The following LACTB variants were observed in gnomAD, a reference collection of about 807,000 sequenced individuals.
LACTB encodes lactamase beta, also known as serine beta-lactamase-like protein LACTB, mitochondrial.
In LACTB, 35 loss-of-function variants were observed where a neutral mutation model predicts 50.2. That is an observed-to-expected ratio of 0.70 (90% CI 0.53 to 0.92). LACTB has a LOEUF of 0.92. LACTB is among the 40% of genes least tolerant of loss of function. The probability of loss-of-function intolerance (pLI) is 0.00; values close to 1 mark genes in which losing one functional copy is unlikely to be tolerated. For synonymous variants in LACTB, 252 were observed against 268.2 expected, an observed-to-expected ratio of 0.94 and a Z score of 0.59; for missense variants, 664 against 691.8, an observed-to-expected ratio of 0.96 and a Z score of 0.45.
chr15:63,134,747 C>G (rs1040674327), intron 5 of LACTB, among the ~76,000 whole-genome samples: 3 of 152,144 alleles, frequency 2.0e-5, no homozygotes, highest in Admixed American at 2.0e-4. Flanking sequence ...AACCAGCCAT[C>G]TATGCCACTG....
intron 5 of LACTB, among the ~76,000 whole-genome samples, chr15:63,136,942 G>A (rs1269334629): frequency 6.6e-6 from 1 of 152,072 alleles, no homozygotes; most frequent in Non-Finnish European, 1.5e-5. Context: ...TTCTCTGTGT[G>A]TTTATGCATG....
Position 63,121,885 on chromosome 15 carries a change from T to G in LACTB, c.14T>G (p.Met5Arg), listed in dbSNP as rs1453922185. 4 of 1,411,610 alleles carry G rather than the reference T, an allele frequency of 2.8e-6. No individual in the cohort carries two copies. The highest frequency in any genetic ancestry group is 9.2e-7 in the Non-Finnish European group (1 of 1,088,380). The allele number at this position is 1,411,610 out of a possible 1,614,324, so 87.4% of individuals were successfully genotyped here. A position where few individuals can be genotyped will look rare whatever the true frequency, so the allele number is the denominator to read the frequency against. MYRL[M>R]SAVTARAAAP... ...TGCAGAGACGCCATGTACCGGCTCA[T>G]GTCAGCAGTGACTGCCCGGGCTGCC... is the stretch of plus-strand genomic sequence containing the variant. The change falls in exon 1 of 6, where the codon ATG (methionine) becomes AGG (arginine). Residue 5 changes from methionine (M) to arginine (R), a missense_variant. Transcript: ENST00000261893.
chr15:63,125,760 A>G (rs1437816131), intron 2 of LACTB: 1 of 151,622 alleles, frequency 6.6e-6, no homozygotes, highest in Non-Finnish European at 1.5e-5. Context: ...GCTCACTGCA[A>G]TCTCAAACTC....
intron 5 of LACTB, among the ~76,000 whole-genome samples, chr15:63,139,552 C>T (rs1205777672): frequency 1.3e-5 from 2 of 152,156 alleles, no homozygotes; most frequent in Admixed American, 1.3e-4. Flanking sequence ...ACTCGGGAGG[C>T]TGAGGCAGGA....
chr15:63,141,190 A>G lies in LACTB; in HGVS notation c.1119-90A>G, dbSNP rs2037224876. 2.1e-6 allele frequency: 3 copies of G among 1,462,938 alleles called. No individual in the cohort carries two copies. The African/African-American group carries it at 4.3e-5, about 21-fold the overall frequency. 90.6% of individuals were successfully genotyped at this position (1,462,938 alleles called of 1,614,324 possible). ...GAATGTATGATCATTACATTGAAAT[A>G]CAATCTCTCTCATGTATACATTTTT... is the stretch of plus-strand genomic sequence containing the variant. On this transcript the variant is annotated intron_variant, in intron 5 of 5. Coordinates refer to ENST00000261893, the MANE Select transcript of LACTB (RefSeq NM_032857.5).
In LACTB at chr15:63,126,963, T is replaced by G. The variant is rs778720573; in HGVS notation, c.529T>G (p.Leu177Val). ...KSLTMVALAK[L>V]WEAGKLDLDI... ...TCTCACCATGGTTGCTCTTGCCAAA[T>G]TGTGGGAAGCAGGGAAACTGGATCT... The change falls in exon 3 of 6, where the codon TTG (leucine) becomes GTG (valine). Residue 177 changes from leucine (L) to valine (V), a missense_variant. Leu to Val is a conservative substitution (Grantham distance 32). Transcript: ENST00000261893. 3 of 1,613,758 alleles carry G rather than the reference T, an allele frequency of 1.9e-6. No homozygotes were observed. The highest frequency in any genetic ancestry group is 2.5e-6 in the Non-Finnish European group (3 of 1,179,788).
chr15:63,141,261 A>G lies in LACTB; in HGVS notation c.1119-19A>G, dbSNP rs2037225377. Reference sequence around the variant, plus strand: ...AGTGACTATGAAATTTTTCATGATCATTTCTTATTTCCTTTTAGATTTTAT... The same window carrying G: ...AGTGACTATGAAATTTTTCATGATCGTTTCTTATTTCCTTTTAGATTTTAT... On this transcript the variant is annotated intron_variant, in intron 5 of 5. Coordinates refer to ENST00000261893, the MANE Select transcript of LACTB (RefSeq NM_032857.5). The G allele has an allele frequency of 6.4e-7, 1 of 1,566,276 alleles. No homozygotes were observed. Among genetic ancestry groups the G allele is most frequent in the South Asian group, 1.2e-5 (1 of 84,218 alleles).
Position 63,122,123 on chromosome 15 carries a change from G to A in LACTB, c.252G>A (p.Gln84=). Residue 84 remains glutamine, a synonymous_variant, in exon 1 of 6, where the codon CAG becomes CAA. Transcript: ENST00000261893. ...PEASPLAEPP[Q]EQSLAPWSPQ... is the part of the protein sequence containing the mutation. ...CGTCGCCTCTGGCCGAGCCGCCACA[G>A]GAGCAGTCCCTCGCCCCGTGGTCTC... is the stretch of plus-strand genomic sequence containing the variant. 1.3e-6 allele frequency: 2 copies of A among 1,489,162 alleles called. No homozygotes were observed. The highest frequency in any genetic ancestry group is 1.8e-6 in the Non-Finnish European group (2 of 1,127,218). The allele number at this position is 1,489,162 out of a possible 1,614,324, so 92.2% of individuals were successfully genotyped here. A position where few individuals can be genotyped will look rare whatever the true frequency, so the allele number is the denominator to read the frequency against.
chr15:63,140,410 TTGAGACAA>T (rs1309154765), intron 5 of LACTB, among the ~76,000 whole-genome samples: 1 of 152,160 alleles, frequency 6.6e-6, no homozygotes, highest in Non-Finnish European at 1.5e-5. Context: ...CATGTTGATT[TTGAGACAA>T]TGAGAAAACC....
chr15:63,140,010 G>A (rs1241293441), intron 5 of LACTB, among the ~76,000 whole-genome samples: 4 of 152,088 alleles, frequency 2.6e-5, no homozygotes, highest in African/African-American at 9.7e-5. Flanking sequence ...AAGAGGCTGA[G>A]GCAGGAAGAT....
At chr15:63,132,994 A>AGT (rs1277347251) in intron 5 of LACTB, among the ~76,000 whole-genome samples, 2 of 152,210 alleles carry the variant, frequency 1.3e-5, no homozygotes, top group African/African-American at 2.4e-5. Flanking sequence ...ATTTTCTTTT[A>AGT]CAGCTTTTAA....
rs766460283 is a variant in LACTB at position 63,122,273 on chromosome 15, C to T, written c.357+45C>T. The T allele has an allele frequency of 2.7e-6, 4 of 1,463,222 alleles. No individual in the cohort carries two copies. The East Asian group carries it at 7.2e-5, about 26-fold the overall frequency. The allele number at this position is 1,463,222 out of a possible 1,614,324, so 90.6% of individuals were successfully genotyped here. A position where few individuals can be genotyped will look rare whatever the true frequency, so the allele number is the denominator to read the frequency against. ...GGGCGTAGGGGGCCGGGGATCCACC[C>T]CTGTCGGCGGTGCTGTCGGGGGCTG... On this transcript the variant is annotated intron_variant, in intron 1 of 5. Transcript: ENST00000261893.
intron 2 of LACTB, chr15:63,126,104 C>T (rs564027741): frequency 1.8e-4 from 27 of 152,180 alleles, no homozygotes; most frequent in African/African-American, 6.0e-4. Context: ...GGTTTGCAGT[C>T]GAATTAAATT....
chr15:63,135,084 A>C (rs903994768), intron 5 of LACTB, among the ~76,000 whole-genome samples: 4 of 152,156 alleles, frequency 2.6e-5, no homozygotes, highest in Non-Finnish European at 5.9e-5. Context: ...CAAATCAACT[A>C]TTACTTTTAC....
intron 4 of LACTB, among the ~76,000 whole-genome samples, chr15:63,128,126 ATTATC>A (rs2037079200): frequency 6.6e-6 from 1 of 152,178 alleles, no homozygotes; most frequent in Non-Finnish European, 1.5e-5. Context: ...TATACAAATA[ATTATC>A]TTTGTTTTAT....
chr15:63,122,946 A>G (rs1450972851), intron 2 of LACTB, among the ~76,000 whole-genome samples: 1 of 152,216 alleles, frequency 6.6e-6, no homozygotes, highest in African/African-American at 2.4e-5. Context: ...GACTGGATTT[A>G]TTAGTCTGAA....
chr15:63,136,317 G>A (rs2037176940), intron 5 of LACTB, among the ~76,000 whole-genome samples: 2 of 152,148 alleles, frequency 1.3e-5, no homozygotes, highest in Admixed American at 6.5e-5. Context: ...GATTACAGGC[G>A]TGAGCCTAGC....
chr15:63,124,959 A>C (rs1264250641), intron 2 of LACTB, among the ~76,000 whole-genome samples: 1 of 62,716 alleles, frequency 1.6e-5, no homozygotes, highest in African/African-American at 4.8e-5. Flanking sequence ...CTCAAAAAAA[A>C]AGAAAAAAAA....
rs945181150 is a variant in LACTB, at chr15:63,122,235, C to G, written c.357+7C>G. 1.0e-5 allele frequency: 16 copies of G among 1,549,898 alleles called. No homozygotes were observed. The Admixed American group carries it at 3.0e-4, about 29-fold the overall frequency. Reference sequence around the variant, plus strand: ...CCTGCTGCACAGGATCAAGGTGCGGCCACTGGAGCGGGGGGCGTAGGGGGC... The same window carrying G: ...CCTGCTGCACAGGATCAAGGTGCGGGCACTGGAGCGGGGGGCGTAGGGGGC... On this transcript the variant is annotated splice_region_variant and intron_variant, in intron 1 of 5. Coordinates refer to ENST00000261893, the MANE Select transcript of LACTB (RefSeq NM_032857.5).
Sources: gnomAD v4.1 joint callset for allele counts (sites outside exome capture counted in the v4.1 genomes callset) on GRCh38, gnomAD v4.1.1 for gene constraint, MANE v1.5 for transcripts, NCBI Gene and HGNC (gene_info 2026-07-23, HGNC 2026-07-21) for gene names.